Variants in CYP2U1 observed in about 807,000 individuals in gnomAD.
The protein encoded by CYP2U1 is cytochrome P450 2U1.
A neutral mutation model predicts 42.8 loss-of-function variants in CYP2U1; 28 were observed. That is an observed-to-expected ratio of 0.65 (90% CI 0.48 to 0.90). The LOEUF is 0.90. Ranked by LOEUF, CYP2U1 falls within the 40% of genes least tolerant of loss-of-function variation. The probability of loss-of-function intolerance (pLI) is 0.00; values close to 1 mark genes in which losing one functional copy is unlikely to be tolerated. For synonymous variants in CYP2U1, 296 were observed against 278.9 expected, an observed-to-expected ratio of 1.06 and a Z score of -0.61; for missense variants, 642 against 693.8, an observed-to-expected ratio of 0.93 and a Z score of 0.84.
chr4:107,947,584 CCCTCTAATCCAGGGTAGTTGAGGT>C, intron 3 of CYP2U1, 47 bp downstream of exon 3: 1 of 1,598,882 alleles, frequency 6.3e-7, no homozygotes, highest in South Asian at 1.1e-5. Flanking sequence ...GGAAGCAGGG[CCCTCTAATCCAGGGTAGTTGAGGT>C]GAGGGGTGTG....
chr4:107,942,212 G>C (rs896979467), intron 1 of CYP2U1, among the ~76,000 whole-genome samples: 3 of 152,188 alleles, frequency 2.0e-5, no homozygotes, highest in Non-Finnish European at 4.4e-5. Flanking sequence ...TCAGACTGGG[G>C]ATGGGGCCTG....
chr4:107,949,361 T>C lies in CYP2U1; in HGVS notation c.1300T>C (p.Tyr434His), dbSNP rs755199255. 1.3e-6 allele frequency: 2 copies of C among 1,563,600 alleles called. No individual in the cohort carries two copies. The highest frequency in any genetic ancestry group is 4.6e-5 in the East Asian group (2 of 43,642). Residue 434 changes from tyrosine to histidine, a missense_variant, in exon 4 of 5, where the codon TAT becomes CAT. Coordinates refer to ENST00000332884, the MANE Select transcript of CYP2U1 (RefSeq NM_183075.3). ...TCCTTTTGTTTTAGTGCTCCAAGGG[T>C]ATACCATTCCTAAAGGCACATTGAT... Reference protein sequence around the residue: ...MTSENTVLQGYTIPKGTLILP... With the variant: ...MTSENTVLQGHTIPKGTLILP...
At chr4:107,938,233 G>A (rs1241547456) in intron 1 of CYP2U1, 3 of 152,166 alleles carry the variant, frequency 2.0e-5, no homozygotes, top group Non-Finnish European at 4.4e-5. Context: ...TAACCTTTTT[G>A]TAACTGGTTA....
chr4:107,945,411 G>A lies in CYP2U1; in HGVS notation c.932G>A (p.Arg311Lys). The A allele has an allele frequency of 1.2e-6, 2 of 1,614,060 alleles. No individual in the cohort carries two copies. The highest frequency in any genetic ancestry group is 1.7e-6 in the Non-Finnish European group (2 of 1,180,004). ...IIKDHQESLD[R>K]ENPQDFIDMY... ...AAAGACCATCAAGAGTCTCTGGATAGAGAGAACCCTCAGGACTTCATAGAC... is the reference window on the plus strand; with the variant it reads ...AAAGACCATCAAGAGTCTCTGGATAAAGAGAACCCTCAGGACTTCATAGAC... The change falls in exon 2 of 5, where the codon AGA (arginine) becomes AAA (lysine). Residue 311 changes from arginine to lysine, a missense_variant. Transcript: ENST00000332884.
At chr4:107,950,198 A>G in intron 4 of CYP2U1, 47 bp from the exon 5 acceptor site, 2 of 1,499,326 alleles carry the variant, frequency 1.3e-6, no homozygotes, top group Non-Finnish European at 1.8e-6. Context: ...GAAATAGGAG[A>G]AGGGATGGTA....
Position 107,932,062 on chromosome 4 carries a change from T to A in CYP2U1, c.419T>A (p.Leu140Gln). 6.3e-7 allele frequency: 1 copy of A among 1,588,920 alleles called. No individual in the cohort carries two copies. The highest frequency in any genetic ancestry group is 8.6e-7 in the Non-Finnish European group (1 of 1,168,578). ...GACTTCCACAGCGTGCGCGAGGCGC[T>A]GGTGCAGCAGGCCGAGGTCTTCAGC... ...LSDFHSVREA[L>Q]VQQAEVFSDR... Residue 140 changes from leucine (L) to glutamine (Q), a missense_variant, in exon 1 of 5, where the codon CTG becomes CAG. Leu to Gln is a moderately radical substitution (Grantham distance 113). Coordinates refer to ENST00000332884, the MANE Select transcript of CYP2U1 (RefSeq NM_183075.3).
intron 1 of CYP2U1, among the ~76,000 whole-genome samples, chr4:107,934,497 C>T (rs1247159691): frequency 1.3e-5 from 2 of 152,128 alleles, no homozygotes; most frequent in East Asian, 1.9e-4. Context: ...GCCTCTTAAC[C>T]GACCTGCTTG....
intron 1 of CYP2U1, chr4:107,936,007 T>C (rs1038606259): frequency 6.6e-6 from 1 of 152,206 alleles, no homozygotes; most frequent in Admixed American, 6.5e-5. Context: ...TAGAAATAGT[T>C]GACTTAATAC....
At chr4:107,932,229 G>A (rs1733030080) in intron 1 of CYP2U1, 96 bp downstream of exon 1, 9 of 1,464,096 alleles carry the variant, frequency 6.1e-6, no homozygotes, top group Non-Finnish European at 8.1e-6. Flanking sequence ...CCGGCCGCCC[G>A]CGCCCCCAGG....
In CYP2U1 at chr4:107,945,415, G is replaced by C. The variant is rs761846487; in HGVS notation, c.936G>C (p.Glu312Asp). ...ACCATCAAGAGTCTCTGGATAGAGAGAACCCTCAGGACTTCATAGACATGT... is the reference window on the plus strand; with the variant it reads ...ACCATCAAGAGTCTCTGGATAGAGACAACCCTCAGGACTTCATAGACATGT... ...IKDHQESLDR[E>D]NPQDFIDMYL... Residue 312 changes from glutamate to aspartate, a missense_variant, in exon 2 of 5, where the codon GAG becomes GAC. Physicochemically the swap from Glu to Asp is conservative, Grantham distance 45. Transcript: ENST00000332884. The C allele has an allele frequency of 6.2e-7, 1 of 1,614,006 alleles. No homozygotes were observed. Among genetic ancestry groups the C allele is most frequent in the East Asian group, 2.2e-5 (1 of 44,860 alleles).
chr4:107,942,607 C>T (rs1401330489), intron 1 of CYP2U1, among the ~76,000 whole-genome samples: 2 of 152,112 alleles, frequency 1.3e-5, no homozygotes, highest in Non-Finnish European at 2.9e-5. Context: ...AACTAGAAAG[C>T]CTGTAAACTG....
rs760847189 is a variant in CYP2U1 at position 107,945,160 on chromosome 4, C to A, written c.681C>A (p.Ala227=). The A allele has an allele frequency of 2.5e-6, 4 of 1,613,826 alleles. No homozygotes were observed. The African/African-American group carries it at 5.3e-5, about 22-fold the overall frequency. ...PFCPFSIISN[A]VSNIICSLCF... ...GCCCTTTCTCCATCATCAGCAATGC[C>A]GTCTCTAACATCATTTGCTCCTTGT... The change falls in exon 2 of 5, where the codon GCC becomes GCA. Residue 227 remains alanine (A), a synonymous_variant. Coordinates refer to ENST00000332884, the MANE Select transcript of CYP2U1 (RefSeq NM_183075.3).
At chr4:107,940,513 GTAAATAGATCTA>G (rs1733452042) in intron 1 of CYP2U1, 1 of 152,040 alleles carries the variant, frequency 6.6e-6, no homozygotes. Flanking sequence ...TTCATGATCT[GTAAATAGATCTA>G]TAAATAGATC....
chr4:107,933,610 G>A lies in CYP2U1; in HGVS notation c.490+1477G>A, dbSNP rs1012835343. Among the ~76,000 whole-genome samples, 14 of 152,294 alleles carry A rather than the reference G, an allele frequency of 9.2e-5. 1 individual carries two copies. The highest frequency in any genetic ancestry group is 7.8e-4 in the Admixed American group (12 of 15,296). On this transcript the variant is annotated intron_variant, in intron 1 of 4. Transcript: ENST00000332884. The stretch of plus-strand genomic sequence containing the variant: ...TTTGAAGACTAATATTCCATCATAT[G>A]TACAATCATCCCTCCTTATCTGTAG...
chr4:107,943,610 T>C (rs756300401), intron 1 of CYP2U1, among the ~76,000 whole-genome samples: 5 of 152,208 alleles, frequency 3.3e-5, no homozygotes, highest in Non-Finnish European at 5.9e-5. Context: ...TGAGCAGACA[T>C]TTGGAAGATT....
chr4:107,949,476 G>A lies in CYP2U1; in HGVS notation c.1415G>A (p.Gly472Glu). Residue 472 changes from glycine to glutamate, a missense_variant, in exon 4 of 5, where the codon GGA becomes GAA. Physicochemically the swap from Gly to Glu is moderately conservative, Grantham distance 98. Transcript: ENST00000332884. Reference protein sequence around the residue: ...FYPNRFLDDQGQLIKKETFIP... With the variant: ...FYPNRFLDDQEQLIKKETFIP... ...CCTAATCGATTTCTGGATGACCAAG[G>A]ACAACTAATTAAAAAAGAAACCTTT... 1 of 1,601,954 alleles carries A rather than the reference G, an allele frequency of 6.2e-7. No homozygotes were observed. Among genetic ancestry groups the A allele is most frequent in the Non-Finnish European group, 8.5e-7 (1 of 1,174,512 alleles).
intron 3 of CYP2U1, among the ~76,000 whole-genome samples, chr4:107,948,613 A>C (rs1037616226): frequency 1.3e-5 from 2 of 150,452 alleles, no homozygotes; most frequent in African/African-American, 5.0e-5. Flanking sequence ...TCATCATCAT[A>C]GTTAGAAGAG....
intron 1 of CYP2U1, among the ~76,000 whole-genome samples, chr4:107,933,188 G>A (rs574025610): frequency 6.0e-4 from 91 of 152,272 alleles, no homozygotes; most frequent in African/African-American, 2.1e-3. Context: ...GCCTCCTAGC[G>A]TAGTGAAATT....
intron 1 of CYP2U1, among the ~76,000 whole-genome samples, chr4:107,934,702 C>T (rs1301281419): frequency 6.6e-6 from 1 of 152,186 alleles, no homozygotes; most frequent in East Asian, 1.9e-4. Flanking sequence ...ACCTGACCTT[C>T]CTACTCTAGA....
Sources: allele counts gnomAD v4.1 joint callset (sites outside exome capture counted in the v4.1 genomes callset), GRCh38; gene constraint gnomAD v4.1.1; transcripts MANE v1.5; gene names NCBI Gene and HGNC (gene_info 2026-07-23, HGNC 2026-07-21).